The following PCDH15 variants were observed in gnomAD, a reference collection of about 807,000 sequenced individuals.
PCDH15 encodes the protein protocadherin related 15, also known as protocadherin-15.
Under a neutral mutation model 178.5 loss-of-function variants are expected in PCDH15, and 129 were observed. The observed-to-expected ratio is 0.72, with a 90% CI of 0.63 to 0.84. The LOEUF is 0.84. PCDH15 is among the 40% of genes least tolerant of loss of function. The probability of loss-of-function intolerance (pLI) is 0.00; values close to 1 mark genes in which losing one functional copy is unlikely to be tolerated. For missense variants in PCDH15, 2,230 were observed against 2,099.9 expected (o/e 1.06, Z -1.21); for synonymous variants, 800 against 732.0 (o/e 1.09, Z -1.50).
chr10:55,465,018 C>A (rs1287763392), intron 2 of PCDH15, among the ~76,000 whole-genome samples: 2 of 151,924 alleles, frequency 1.3e-5, no homozygotes, highest in Non-Finnish European at 2.9e-5. Flanking sequence ...AATGCAAACC[C>A]TGTTGTGGAT....
At chr10:55,541,736 T>C (rs2132076874) in intron 2 of PCDH15, among the ~76,000 whole-genome samples, 1 of 152,024 alleles carries the variant, frequency 6.6e-6, no homozygotes, top group Admixed American at 6.6e-5. Context: ...ACACTATTCA[T>C]TTTTATTTGT....
chr10:54,680,942 G>C (rs2094888794), intron 1 of PCDH15, among the ~76,000 whole-genome samples: 1 of 152,158 alleles, frequency 6.6e-6, no homozygotes. Flanking sequence ...TTAAAGGAAA[G>C]CCCTCTGAAA....
chr10:55,449,822 A>AT (rs573491502), intron 2 of PCDH15, among the ~76,000 whole-genome samples: 4 of 151,770 alleles, frequency 2.6e-5, no homozygotes, highest in African/African-American at 7.3e-5. Flanking sequence ...TTTTTCACTA[A>AT]TTTTTTTTCT....
chr10:55,594,549 G>C (rs924899156), intron 2 of PCDH15, among the ~76,000 whole-genome samples: 1 of 151,938 alleles, frequency 6.6e-6, no homozygotes, highest in African/African-American at 2.4e-5. Flanking sequence ...ATATTATACA[G>C]GTGTGGCTGC....
chr10:55,028,747 A>G (rs1311445032), intron 2 of PCDH15, among the ~76,000 whole-genome samples: 1 of 152,034 alleles, frequency 6.6e-6, no homozygotes, highest in Admixed American at 6.6e-5. Context: ...TCTGAAAATT[A>G]TACAAATTTT....
chr10:55,094,990 C>A (rs1842415080), intron 2 of PCDH15, among the ~76,000 whole-genome samples: 1 of 148,506 alleles, frequency 6.7e-6, no homozygotes, highest in African/African-American at 2.5e-5. Context: ...GGAGTAGTCA[C>A]TGCTCACTGC....
intron 18 of PCDH15, among the ~76,000 whole-genome samples, chr10:54,036,441 TTC>T (rs556503142): frequency 1.5e-3 from 221 of 151,580 alleles, no homozygotes; most frequent in African/African-American, 5.2e-3. Flanking sequence ...CACTTAAGAA[TTC>T]TGTTAAATTT....
At chr10:54,261,634 A>G (rs1398598390) in intron 8 of PCDH15, among the ~76,000 whole-genome samples, 2 of 145,372 alleles carry the variant, frequency 1.4e-5, no homozygotes, top group African/African-American at 5.1e-5. Flanking sequence ...ATACATTAAA[A>G]TGTGTATACA....
chr10:53,823,308 G>A (rs1430397703), intron 32 of PCDH15: 2 of 1,613,812 alleles, frequency 1.2e-6, no homozygotes, highest in Non-Finnish European at 1.7e-6. Context: ...CCTGTCTTCT[G>A]AGACTGAGTT....
chr10:53,888,766 C>T (rs1271448541), intron 26 of PCDH15, among the ~76,000 whole-genome samples: 1 of 129,154 alleles, frequency 7.7e-6, no homozygotes. Flanking sequence ...ACAGAGAGAG[C>T]CAAGAGAAGC....
intron 7 of PCDH15, among the ~76,000 whole-genome samples, chr10:54,324,426 A>G (rs1163453312): frequency 1.3e-5 from 2 of 152,168 alleles, no homozygotes; most frequent in Non-Finnish European, 2.9e-5. Context: ...CTTGCTATTC[A>G]TAAAATAATT....
intron 1 of PCDH15, among the ~76,000 whole-genome samples, chr10:55,255,212 T>C (rs1440474287): frequency 1.6e-5 from 2 of 127,544 alleles, no homozygotes; most frequent in African/African-American, 5.6e-5. Context: ...GTTTGGTTTT[T>C]TGTCCTTGTG....
chr10:54,038,591 A>G (rs1448865112), intron 18 of PCDH15, among the ~76,000 whole-genome samples: 1 of 151,920 alleles, frequency 6.6e-6, no homozygotes, highest in Non-Finnish European at 1.5e-5. Context: ...GATATGGGCT[A>G]CACTGAAATG....
At chr10:53,997,372 A>G (rs1047918112) in intron 20 of PCDH15, among the ~76,000 whole-genome samples, 2 of 152,118 alleles carry the variant, frequency 1.3e-5, no homozygotes, top group African/African-American at 4.8e-5. Context: ...CCTTTCCAAG[A>G]GTGCCAATTA....
chr10:55,243,575 T>C (rs1841609833), intron 1 of PCDH15, among the ~76,000 whole-genome samples: 1 of 152,188 alleles, frequency 6.6e-6, no homozygotes, highest in South Asian at 2.1e-4. Context: ...TATCCTAAAA[T>C]GAAAACTACA....
At chr10:54,282,254 A>G (rs903775745) in intron 8 of PCDH15, among the ~76,000 whole-genome samples, 2 of 152,076 alleles carry the variant, frequency 1.3e-5, no homozygotes, top group Non-Finnish European at 2.9e-5. Context: ...AGCCCCAACA[A>G]TCACTGTTTT....
intron 3 of PCDH15, among the ~76,000 whole-genome samples, chr10:54,509,607 C>G (rs1210379365): frequency 6.6e-6 from 1 of 152,110 alleles, no homozygotes; most frequent in East Asian, 1.9e-4. Flanking sequence ...AATCGACGTG[C>G]CATTTCTTTA....
chr10:55,623,408 T>C (rs1217992249), intron 2 of PCDH15, among the ~76,000 whole-genome samples: 1 of 152,134 alleles, frequency 6.6e-6, no homozygotes, highest in African/African-American at 2.4e-5. Context: ...TCTAGTGATC[T>C]TCTTTTAAAA....
chr10:55,199,249 A>G (rs1458413033), intron 1 of PCDH15, among the ~76,000 whole-genome samples: 1 of 152,136 alleles, frequency 6.6e-6, no homozygotes, highest in Non-Finnish European at 1.5e-5. Context: ...GATGGAGATG[A>G]AAAAGTTATT....
Sources: gnomAD v4.1 joint callset for allele counts (sites outside exome capture counted in the v4.1 genomes callset) on GRCh38, gnomAD v4.1.1 for gene constraint, MANE v1.5 for transcripts, NCBI Gene and HGNC (gene_info 2026-07-23, HGNC 2026-07-21) for gene names.